Variants in TRDMT1 observed in about 807,000 individuals in gnomAD.
TRDMT1 encodes the protein tRNA aspartic acid methyltransferase 1, also known as tRNA (cytosine(38)-C(5))-methyltransferase.
TRDMT1 carries 49 observed loss-of-function variants against 51.2 expected under a neutral mutation model. The ratio of observed to expected loss-of-function variants is 0.96; its 90% CI spans 0.76 to 1.21. TRDMT1 has a LOEUF of 1.21. TRDMT1 is among the 50% of genes most tolerant of loss of function. The probability of loss-of-function intolerance (pLI) is 0.00; values close to 1 mark genes in which losing one functional copy is unlikely to be tolerated. For synonymous variants in TRDMT1, 187 were observed against 164.6 expected (o/e 1.14, Z -1.04); for missense variants, 534 against 462.3 (o/e 1.16, Z -1.42).
intron 1 of TRDMT1, among the ~76,000 whole-genome samples, chr10:17,178,200 T>C (rs1842848153): frequency 6.6e-6 from 1 of 152,214 alleles, no homozygotes; most frequent in Non-Finnish European, 1.5e-5. Context: ...ATGTTAACAC[T>C]GACATCTAGT....
At chr10:17,179,082 G>A (rs1180480180) in intron 1 of TRDMT1, among the ~76,000 whole-genome samples, 1 of 152,164 alleles carries the variant, frequency 6.6e-6, no homozygotes, top group Non-Finnish European at 1.5e-5. Context: ...TACAAGGAAT[G>A]GAAAATAAAG....
intron 5 of TRDMT1, 60 bp downstream of exon 5, chr10:17,161,423 A>G: frequency 8.3e-7 from 1 of 1,207,534 alleles, no homozygotes; most frequent in South Asian, 2.0e-5. Flanking sequence ...ATTTCACAAC[A>G]GTTCCTACTA....
rs141499020 is a variant in TRDMT1 at position 17,176,253 on chromosome 10, G to C, written c.65-1593C>G. Reference sequence around the variant, plus strand: ...TGTTTTGTTAAATATGTTGTAATCAGCATGATGTAGCCTGCTTGTATTTCC... The same window carrying C: ...TGTTTTGTTAAATATGTTGTAATCACCATGATGTAGCCTGCTTGTATTTCC... On this transcript the variant is annotated intron_variant, in intron 1 of 10. Coordinates refer to ENST00000377799, the MANE Select transcript of TRDMT1 (RefSeq NM_004412.7). Among the ~76,000 whole-genome samples the C allele has an allele frequency of 8.8e-3, 1,339 of 152,254 alleles. 8 individuals carry two copies. Among genetic ancestry groups the C allele is most frequent in the Non-Finnish European group, 0.014 (964 of 68,032 alleles).
At position 17,147,948 on chromosome 10, in the gene TRDMT1, C is replaced by A. The variant is rs1838266323; in HGVS notation, c.*1092G>T. 3.1e-6 allele frequency: 3 copies of A among 975,444 alleles called. No homozygotes were observed. The highest frequency in any genetic ancestry group is 2.4e-6 in the Non-Finnish European group (2 of 820,948). The allele number at this position is 975,444 out of a possible 1,614,324, so 60.4% of individuals were successfully genotyped here. ...TTCCCACAAGCAATGCACAAACTTC[C>A]AATTTATCCACCTCTAAATAGCTGA... On this transcript the variant is annotated 3_prime_UTR_variant, in exon 11 of 11. Transcript: ENST00000377799.
Position 17,162,167 on chromosome 10 carries a change from T to A in TRDMT1, c.322A>T (p.Arg108Ter). 1 of 1,605,192 alleles carries A rather than the reference T, an allele frequency of 6.2e-7. No homozygotes were observed. The highest frequency in any genetic ancestry group is 8.5e-7 in the Non-Finnish European group (1 of 1,176,022). Reference sequence around the variant, plus strand: ...TTGTACAGGAACCTAAGTTTTTACCTTGGGAGAATATCTAGAATATGTAAG... The same window carrying A: ...TTGTACAGGAACCTAAGTTTTTACCATGGGAGAATATCTAGAATATGTAAG... Reference protein sequence around the residue: ...SFLHILDILPRLQKLPKYILL... With the variant: ...SFLHILDILP Residue 108 changes from arginine to a stop codon, truncating the protein, a stop_gained and splice_region_variant, in exon 4 of 11, where the codon AGA (arginine) becomes TGA (stop). Transcript: ENST00000377799. LOFTEE classifies it high-confidence loss of function.
At chr10:17,165,960 TG>T (rs147318535) in intron 3 of TRDMT1, among the ~76,000 whole-genome samples, 20,508 of 152,078 alleles carry the variant, frequency 0.13, 1,486 homozygotes, top group Admixed American at 0.17. Flanking sequence ...GAAGTCAGTG[TG>T]GGGATTCCTC....
Position 17,137,854 on chromosome 10 carries a change from T to A in TRDMT1, c.*11186A>T, listed in dbSNP as rs1256224398. Among the ~76,000 whole-genome samples, 1 of 146,434 alleles carries A rather than the reference T, an allele frequency of 6.8e-6. No homozygotes were observed. The highest frequency in any genetic ancestry group is 2.5e-5 in the African/African-American group (1 of 39,308). The stretch of plus-strand genomic sequence containing the variant: ...AAAAAAAAAGAAAAAAAAAAAAAGG[T>A]TGTTCCACTTGTCCAGCAGGGTGAC... On this transcript the variant is annotated 3_prime_UTR_variant, in exon 11 of 11. Transcript: ENST00000377799.
intron 6 of TRDMT1, 61 bp downstream of exon 6, chr10:17,160,244 C>G: frequency 8.7e-7 from 1 of 1,153,358 alleles, no homozygotes; most frequent in Non-Finnish European, 1.2e-6. Flanking sequence ...ATCAAATTTC[C>G]TTTGGGAAAA....
In TRDMT1 at chr10:17,143,823, G is replaced by T; in HGVS notation, c.*5217C>A. 2 of 985,446 alleles carry T rather than the reference G, an allele frequency of 2.0e-6. No individual in the cohort carries two copies. The highest frequency in any genetic ancestry group is 9.4e-5 in the South Asian group (2 of 21,282). 61.0% of individuals were successfully genotyped at this position (985,446 alleles called of 1,614,324 possible). On this transcript the variant is annotated 3_prime_UTR_variant, in exon 11 of 11. Coordinates refer to ENST00000377799, the MANE Select transcript of TRDMT1 (RefSeq NM_004412.7). Reference sequence around the variant, plus strand: ...TCTTTGGTTATGAAGCTTGAACTTGGAAGATGTGGAGACTAACCGTACCAT... The same window carrying T: ...TCTTTGGTTATGAAGCTTGAACTTGTAAGATGTGGAGACTAACCGTACCAT...
intron 3 of TRDMT1, among the ~76,000 whole-genome samples, chr10:17,166,156 T>C (rs1365315202): frequency 3.3e-5 from 5 of 151,806 alleles, no homozygotes; most frequent in Admixed American, 6.6e-5. Context: ...ATTAAGAAAA[T>C]GTGGCACATA....
chr10:17,147,772 C>T lies in TRDMT1; in HGVS notation c.*1268G>A, dbSNP rs1838251229. On this transcript the variant is annotated 3_prime_UTR_variant, in exon 11 of 11. Transcript: ENST00000377799. ...CTACTGTAAATAATGGTGTTATAAA[C>T]GCTGGTGTACAAATATCTGTTCAAG... is the stretch of plus-strand genomic sequence containing the variant. The T allele has an allele frequency of 6.1e-6, 1 of 162,718 alleles. No homozygotes were observed. The highest frequency in any genetic ancestry group is 6.5e-5 in the Admixed American group (1 of 15,284). The allele number at this position is 162,718 out of a possible 1,614,324, so 10.1% of individuals were successfully genotyped here. A position where few individuals can be genotyped will look rare whatever the true frequency, so the allele number is the denominator to read the frequency against.
intron 1 of TRDMT1, 143 bp downstream of exon 1, chr10:17,201,428 T>A: frequency 1.3e-6 from 1 of 752,572 alleles, no homozygotes; most frequent in East Asian, 3.3e-5. Flanking sequence ...AGGAGCTGTT[T>A]CCAGGACAAC....
Position 17,143,449 on chromosome 10 carries a change from C to G in TRDMT1, c.*5591G>C. The G allele has an allele frequency of 1.0e-6, 1 of 985,426 alleles. No individual in the cohort carries two copies. Among genetic ancestry groups the G allele is most frequent in the African/African-American group, 1.7e-5 (1 of 57,358 alleles). The allele number at this position is 985,426 out of a possible 1,614,324, so 61.0% of individuals were successfully genotyped here. A position where few individuals can be genotyped will look rare whatever the true frequency, so the allele number is the denominator to read the frequency against. ...AAATATGAAAGTCAACTCATTTCTA[C>G]TACACAAGGAGTATCACATTCCATT... is the stretch of plus-strand genomic sequence containing the variant. On this transcript the variant is annotated 3_prime_UTR_variant, in exon 11 of 11. Coordinates refer to ENST00000377799, the MANE Select transcript of TRDMT1 (RefSeq NM_004412.7).
chr10:17,144,464 G>A lies in TRDMT1; in HGVS notation c.*4576C>T. 1.0e-6 allele frequency: 1 copy of A among 985,602 alleles called. No homozygotes were observed. Among genetic ancestry groups the A allele is most frequent in the Non-Finnish European group, 1.2e-6 (1 of 829,912 alleles). 61.1% of individuals were successfully genotyped at this position (985,602 alleles called of 1,614,324 possible). A position where few individuals can be genotyped will look rare whatever the true frequency, so the allele number is the denominator to read the frequency against. ...GAAAATTTCCGGTCTCATATTTATA[G>A]GAAAAATGAGATTTTGGAAGCTTTA... On this transcript the variant is annotated 3_prime_UTR_variant, in exon 11 of 11. Transcript: ENST00000377799.
intron 1 of TRDMT1, among the ~76,000 whole-genome samples, chr10:17,189,882 G>A (rs6602184): frequency 0.97 from 147,519 of 152,240 alleles, 71,842 homozygotes; most frequent in Middle Eastern, 1. Flanking sequence ...TTTGTTTCTT[G>A]AGTCTCATTC....
At position 17,138,589 on chromosome 10, in the gene TRDMT1, A is replaced by G. The variant is rs1837491642; in HGVS notation, c.*10451T>C. On this transcript the variant is annotated 3_prime_UTR_variant, in exon 11 of 11. Transcript: ENST00000377799. ...GTGTGGTCTTGGCTCAAGGCACATAAAGCAGACATTTGTTCTCCATGCTCA... is the reference window on the plus strand; with the variant it reads ...GTGTGGTCTTGGCTCAAGGCACATAGAGCAGACATTTGTTCTCCATGCTCA... 7.9e-5 allele frequency among the ~76,000 whole-genome samples: 12 copies of G among 152,212 alleles called. No homozygotes were observed.
chr10:17,187,302 T>C (rs1357150647), intron 1 of TRDMT1, among the ~76,000 whole-genome samples: 3 of 152,180 alleles, frequency 2.0e-5, no homozygotes, highest in Admixed American at 6.5e-5. Flanking sequence ...AATATTCAAC[T>C]TCACTAGTAA....
chr10:17,162,040 G>A (rs1473103849), intron 4 of TRDMT1, 126 bp downstream of exon 4: 3 of 797,892 alleles, frequency 3.8e-6, no homozygotes, highest in Non-Finnish European at 6.3e-6. Context: ...GAAGATAAAT[G>A]ACAGGCCCAA....
At position 17,147,393 on chromosome 10, in the gene TRDMT1, TA is replaced by T. The variant is rs1373848378; in HGVS notation, c.*1646del. On this transcript the variant is annotated 3_prime_UTR_variant, in exon 11 of 11. Transcript: ENST00000377799. ...TAGAGTATGATTTTTTCAATTGCAG[TA>T]AAATATACATAATGTAAAATTTATC... 23 of 934,400 alleles carry T rather than the reference TA, an allele frequency of 2.5e-5. No individual in the cohort carries two copies. Among genetic ancestry groups the T allele is most frequent in the South Asian group, 9.9e-5 (2 of 20,232 alleles). The allele number at this position is 934,400 out of a possible 1,614,324, so 57.9% of individuals were successfully genotyped here.
Sources: allele counts gnomAD v4.1 joint callset (sites outside exome capture counted in the v4.1 genomes callset), GRCh38; gene constraint gnomAD v4.1.1; transcripts MANE v1.5; gene names NCBI Gene and HGNC (gene_info 2026-07-23, HGNC 2026-07-21).